The following CSMD1 variants were observed in gnomAD, a reference collection of about 807,000 sequenced individuals.
CSMD1 encodes the protein CUB and sushi domain-containing protein 1.
CSMD1 carries 213 observed loss-of-function variants against 417.5 expected under a neutral mutation model. The observed-to-expected ratio is 0.51, with a 90% confidence interval of 0.46 to 0.57. CSMD1 has a LOEUF of 0.57. Among genes scored for constraint, CSMD1 ranks in the 20% least tolerant of loss-of-function variants. The probability of loss-of-function intolerance (pLI) is 0.00; values close to 1 mark genes in which losing one functional copy is unlikely to be tolerated. For synonymous variants in CSMD1, 2,862 were observed against 1,736.8 expected, an observed-to-expected ratio of 1.65 and a Z score of -16.11; for missense variants, 6,923 against 4,529.7, an observed-to-expected ratio of 1.53 and a Z score of -15.17.
At chr8:4,852,208 G>C (rs968482178) in intron 1 of CSMD1, among the ~76,000 whole-genome samples, 4 of 152,150 alleles carry the variant, frequency 2.6e-5, no homozygotes, top group Admixed American at 6.5e-5. Flanking sequence ...TATATGGTTT[G>C]GATATTTGTT....
chr8:4,211,196 T>G (rs1800289229), intron 3 of CSMD1, among the ~76,000 whole-genome samples: 1 of 149,566 alleles, frequency 6.7e-6, no homozygotes, highest in African/African-American at 2.4e-5. Flanking sequence ...TCAGGGAAAG[T>G]CATTTGCCTT....
chr8:3,168,610 T>A (rs918523503), intron 37 of CSMD1, among the ~76,000 whole-genome samples: 1 of 148,656 alleles, frequency 6.7e-6, no homozygotes, highest in Non-Finnish European at 1.5e-5. Flanking sequence ...TCACAGTGTG[T>A]AAGGAGTCAG....
chr8:4,727,135 T>C (rs1279421986), intron 1 of CSMD1, among the ~76,000 whole-genome samples: 20 of 152,086 alleles, frequency 1.3e-4, no homozygotes, highest in Non-Finnish European at 1.5e-5. Flanking sequence ...ATGTAACTTC[T>C]GCGGGGACAC....
Position 3,291,221 on chromosome 8 carries a change from A to T in CSMD1, c.3951-6875T>A, listed in dbSNP as rs4875164. Among the ~76,000 whole-genome samples, 1,204 of 152,262 alleles carry T rather than the reference A, an allele frequency of 7.9e-3. 19 individuals are homozygous for T. The highest frequency in any genetic ancestry group is 0.027 in the African/African-American group (1,117 of 41,552). On this transcript the variant is annotated intron_variant, in intron 25 of 69. Coordinates refer to ENST00000635120, the MANE Select transcript of CSMD1 (RefSeq NM_033225.6). ...ACTTTTTGATGTATTGCTGGATTCC[A>T]TTTGCCAGTATTTTATTGAGGATTT...
At chr8:3,905,303 A>C (rs753627549) in intron 5 of CSMD1, among the ~76,000 whole-genome samples, 1 of 152,226 alleles carries the variant, frequency 6.6e-6, no homozygotes, top group Non-Finnish European at 1.5e-5. Context: ...TAACTTAAAG[A>C]AGGTTAGTGA....
intron 5 of CSMD1, among the ~76,000 whole-genome samples, chr8:3,856,023 C>G (rs531469480): frequency 2.0e-5 from 3 of 152,124 alleles, no homozygotes; most frequent in African/African-American, 7.2e-5. Context: ...TCTAGACAAA[C>G]ATTACCAAAC....
At chr8:4,450,957 C>T (rs1053471501) in intron 2 of CSMD1, among the ~76,000 whole-genome samples, 1 of 151,968 alleles carries the variant, frequency 6.6e-6, no homozygotes, top group Non-Finnish European at 1.5e-5. Flanking sequence ...CAACTAAGAT[C>T]TACAGTAACG....
At chr8:4,815,891 A>G (rs1048319955) in intron 1 of CSMD1, among the ~76,000 whole-genome samples, 3 of 152,198 alleles carry the variant, frequency 2.0e-5, no homozygotes, top group Middle Eastern at 3.4e-3. Flanking sequence ...TGAATTGGTT[A>G]TGATCTCATC....
chr8:3,458,137 T>G (rs2117138367), intron 12 of CSMD1, among the ~76,000 whole-genome samples: 1 of 152,290 alleles, frequency 6.6e-6, no homozygotes, highest in South Asian at 2.1e-4. Flanking sequence ...CCACTACATC[T>G]TATCTCAGTT....
intron 3 of CSMD1, among the ~76,000 whole-genome samples, chr8:4,094,777 G>A (rs577142172): frequency 2.0e-5 from 3 of 152,268 alleles, no homozygotes; most frequent in African/African-American, 7.2e-5. Flanking sequence ...AGCTAACACT[G>A]CGCATGGAGT....
intron 51 of CSMD1, among the ~76,000 whole-genome samples, chr8:3,020,963 T>C (rs777689098): frequency 3.3e-5 from 5 of 152,226 alleles, no homozygotes; most frequent in Non-Finnish European, 7.3e-5. Flanking sequence ...TATAAACTTT[T>C]CATTAAGCCT....
chr8:3,396,871 C>T (rs1811733626), intron 16 of CSMD1, among the ~76,000 whole-genome samples: 1 of 151,940 alleles, frequency 6.6e-6, no homozygotes, highest in Non-Finnish European at 1.5e-5. Flanking sequence ...TGAGTTTAAA[C>T]ACCTTTCCTG....
rs150972323 is a variant in CSMD1 at position 3,001,649 on chromosome 8, G to C, written c.8030-1518C>G. On this transcript the variant is annotated intron_variant, in intron 52 of 69. Coordinates refer to ENST00000635120, the MANE Select transcript of CSMD1 (RefSeq NM_033225.6). The stretch of plus-strand genomic sequence containing the variant: ...TAAGAGGAATTTTGCAATAAAGTGA[G>C]AGTACCCGTATTCTAAAAATAATAA... Among the ~76,000 whole-genome samples the C allele has an allele frequency of 1.9e-3, 295 of 152,286 alleles. 3 individuals are homozygous for C. Among genetic ancestry groups the C allele is most frequent in the African/African-American group, 5.0e-3 (207 of 41,562 alleles).
At chr8:3,249,957 A>C (rs1477382991) in intron 26 of CSMD1, among the ~76,000 whole-genome samples, 1 of 152,252 alleles carries the variant, frequency 6.6e-6, no homozygotes, top group Non-Finnish European at 1.5e-5. Context: ...TATATTTTGC[A>C]TGTCAGGTTA....
chr8:3,292,560 T>G (rs917169757), intron 25 of CSMD1, among the ~76,000 whole-genome samples: 1 of 152,224 alleles, frequency 6.6e-6, no homozygotes, highest in Non-Finnish European at 1.5e-5. Flanking sequence ...CTTGTTGAAT[T>G]GATCCCTTTA....
At chr8:4,456,424 A>G (rs1335915787) in intron 2 of CSMD1, among the ~76,000 whole-genome samples, 2 of 152,004 alleles carry the variant, frequency 1.3e-5, no homozygotes, top group African/African-American at 4.8e-5. Context: ...TTAGAAAAAA[A>G]GTATTTTTAA....
intron 50 of CSMD1, among the ~76,000 whole-genome samples, chr8:3,039,331 C>CT (rs1810917335): frequency 6.8e-6 from 1 of 147,014 alleles, no homozygotes; most frequent in Non-Finnish European, 1.5e-5. Flanking sequence ...CTTTTCCTTT[C>CT]TTTCTTCCTT....
intron 2 of CSMD1, among the ~76,000 whole-genome samples, chr8:4,603,803 G>A (rs927045685): frequency 1.3e-5 from 2 of 152,076 alleles, no homozygotes; most frequent in Non-Finnish European, 2.9e-5. Context: ...AATTTCCAAT[G>A]TTTGAGAAAG....
At chr8:4,934,815 T>G (rs952389037) in intron 1 of CSMD1, among the ~76,000 whole-genome samples, 2 of 152,128 alleles carry the variant, frequency 1.3e-5, no homozygotes, top group African/African-American at 4.8e-5. Flanking sequence ...CTACCTATCA[T>G]GTATCAATCA....
Sources: allele counts gnomAD v4.1 joint callset (sites outside exome capture counted in the v4.1 genomes callset), GRCh38; gene constraint gnomAD v4.1.1; transcripts MANE v1.5; gene names NCBI Gene and HGNC (gene_info 2026-07-23, HGNC 2026-07-21).